GRIP1: variants seen among roughly 807,000 people sequenced by gnomAD.
The protein encoded by GRIP1 is glutamate receptor interacting protein 1.
Under a neutral mutation model 129.9 loss-of-function variants are expected in GRIP1, and 45 were observed. That is an observed-to-expected ratio of 0.35 (90% confidence interval 0.27 to 0.44). The LOEUF (loss-of-function observed/expected upper bound fraction) is 0.44, where lower values mean the gene tolerates loss of function less well. Ranked by LOEUF, GRIP1 falls within the 20% of genes least tolerant of loss-of-function variation. The probability of loss-of-function intolerance (pLI) is 1.00; values close to 1 mark genes in which losing one functional copy is unlikely to be tolerated. For missense variants in GRIP1, 1,196 were observed against 1,396.8 expected (o/e 0.86, Z 2.29); for synonymous variants, 530 against 520.8 (o/e 1.02, Z -0.24).
intron 1 of GRIP1, among the ~76,000 whole-genome samples, chr12:66,768,916 C>T (rs897444220): frequency 1.4e-4 from 22 of 152,312 alleles, no homozygotes; most frequent in African/African-American, 4.8e-4. Context: ...GGGCATGTGA[C>T]CCAGTGTTTA....
chr12:66,729,989 T>C (rs2036382500), intron 1 of GRIP1, among the ~76,000 whole-genome samples: 1 of 152,162 alleles, frequency 6.6e-6, no homozygotes, highest in African/African-American at 2.4e-5. Flanking sequence ...GAAAATTACA[T>C]ATTTGTCTTT....
chr12:66,827,380 G>A (rs1385447663), intron 1 of GRIP1, among the ~76,000 whole-genome samples: 1 of 112,448 alleles, frequency 8.9e-6, no homozygotes, highest in African/African-American at 3.8e-5. Flanking sequence ...GTGTGTGTGT[G>A]TGTGTGTGAG....
chr12:66,639,230 A>G (rs182552470), intron 1 of GRIP1, among the ~76,000 whole-genome samples: 1 of 152,276 alleles, frequency 6.6e-6, no homozygotes, highest in Admixed American at 6.5e-5. Context: ...GTATGCTACT[A>G]CTAGCGAACT....
At chr12:66,931,780 T>C (rs2041400081) in intron 1 of GRIP1, among the ~76,000 whole-genome samples, 1 of 152,200 alleles carries the variant, frequency 6.6e-6, no homozygotes, top group African/African-American at 2.4e-5. Flanking sequence ...TTCCGTGATT[T>C]TTTTAACACT....
At chr12:66,934,173 C>T (rs903885041) in intron 1 of GRIP1, among the ~76,000 whole-genome samples, 2 of 152,178 alleles carry the variant, frequency 1.3e-5, no homozygotes, top group Admixed American at 1.3e-4. Context: ...TCTTACAACT[C>T]ACTTGACAAT....
chr12:66,694,435 T>C (rs1214949979), intron 1 of GRIP1, among the ~76,000 whole-genome samples: 1 of 152,186 alleles, frequency 6.6e-6, no homozygotes, highest in Non-Finnish European at 1.5e-5. Flanking sequence ...TTTCATCCTA[T>C]AATAATAAAA....
At chr12:67,002,947 T>G (rs1406774825) in intron 1 of GRIP1, among the ~76,000 whole-genome samples, 1 of 152,136 alleles carries the variant, frequency 6.6e-6, no homozygotes, top group Non-Finnish European at 1.5e-5. Flanking sequence ...AGCAGCACCT[T>G]GGATTTTCCT....
intron 19 of GRIP1, among the ~76,000 whole-genome samples, chr12:66,391,083 G>C (rs1188013642): frequency 6.6e-6 from 1 of 152,014 alleles, no homozygotes; most frequent in African/African-American, 2.4e-5. Flanking sequence ...TTAACAGAGA[G>C]TGACACAACA....
chr12:66,579,705 G>GA (rs2063295452), intron 2 of GRIP1, among the ~76,000 whole-genome samples: 1 of 151,936 alleles, frequency 6.6e-6, no homozygotes, highest in African/African-American at 2.4e-5. Context: ...GAAGTTTAGA[G>GA]AAAAAAGAAT....
intron 1 of GRIP1, among the ~76,000 whole-genome samples, chr12:66,858,348 A>G (rs1156797921): frequency 6.6e-6 from 1 of 151,990 alleles, no homozygotes; most frequent in East Asian, 1.9e-4. Flanking sequence ...CATAGGTTTC[A>G]TAACTCAGTT....
intron 1 of GRIP1, among the ~76,000 whole-genome samples, chr12:66,735,280 T>C (rs971524644): frequency 6.6e-6 from 1 of 152,142 alleles, no homozygotes; most frequent in Non-Finnish European, 1.5e-5. Flanking sequence ...AAGATACTCA[T>C]AGAGAAAGTA....
At chr12:66,583,651 G>GA (rs1174928380) in intron 2 of GRIP1, among the ~76,000 whole-genome samples, 1 of 140,196 alleles carries the variant, frequency 7.1e-6, no homozygotes, top group East Asian at 2.1e-4. Context: ...AAAAACACAT[G>GA]AAAAAATGCT....
intron 1 of GRIP1, among the ~76,000 whole-genome samples, chr12:66,657,244 TGAG>T (rs1475684208): frequency 2.6e-5 from 4 of 151,924 alleles, no homozygotes; most frequent in South Asian, 2.1e-4. Context: ...AAGATGATGA[TGAG>T]AAGTAGCTGT....
chr12:66,471,722 G>C (rs912824415), intron 7 of GRIP1, among the ~76,000 whole-genome samples: 1 of 152,192 alleles, frequency 6.6e-6, no homozygotes, highest in Admixed American at 6.5e-5. Flanking sequence ...TTTATATACA[G>C]ATGGTGGTAA....
chr12:66,398,355 C>G lies in GRIP1; in HGVS notation c.1985-4003G>C, dbSNP rs577926088. Among the ~76,000 whole-genome samples the G allele has an allele frequency of 2.6e-5, 4 of 152,074 alleles. No individual in the cohort carries two copies. The East Asian group carries it at 7.7e-4, about 29-fold the overall frequency. On this transcript the variant is annotated intron_variant, in intron 16 of 24. Transcript: ENST00000359742. ...CTGAGCTGGCCCCCAGAGGGTCACG[C>G]CATTCTCCCCCATCCCAATCCAATC...
intron 5 of GRIP1, among the ~76,000 whole-genome samples, chr12:66,527,150 AT>A (rs2139061868): frequency 6.8e-6 from 1 of 147,156 alleles, no homozygotes; most frequent in Non-Finnish European, 1.5e-5. Context: ...TAGAAATACC[AT>A]TTGACCTAGC....
chr12:66,804,931 C>T (rs11832395), upstream of GRIP1, among the ~76,000 whole-genome samples: 535 of 152,232 alleles, frequency 3.5e-3, 3 homozygotes, highest in African/African-American at 0.012. Flanking sequence ...GGCTCAGCAG[C>T]TGCTTTCAAA....
chr12:66,516,613 A>C (rs11610989), intron 6 of GRIP1, among the ~76,000 whole-genome samples: 22,417 of 152,116 alleles, frequency 0.15, 1,784 homozygotes, highest in African/African-American at 0.21. Flanking sequence ...TGCCACTCAC[A>C]AGCTCGTAGC....
intron 1 of GRIP1, among the ~76,000 whole-genome samples, chr12:67,057,015 T>C (rs1327299865): frequency 6.6e-6 from 1 of 152,146 alleles, no homozygotes; most frequent in Non-Finnish European, 1.5e-5. Context: ...TTCACCATTG[T>C]TGGTCAGGCT....
Sources: gnomAD v4.1 joint callset for allele counts (sites outside exome capture counted in the v4.1 genomes callset) on GRCh38, gnomAD v4.1.1 for gene constraint, MANE v1.5 for transcripts, NCBI Gene and HGNC (gene_info 2026-07-23, HGNC 2026-07-21) for gene names.